Variants in PDE10A observed in about 807,000 individuals in gnomAD.
The protein encoded by PDE10A is cAMP and cAMP-inhibited cGMP 3',5'-cyclic phosphodiesterase 10A.
PDE10A carries 39 observed loss-of-function variants against 97.7 expected under a neutral mutation model. That is an observed-to-expected ratio of 0.40 (90% CI 0.31 to 0.52). The LOEUF (loss-of-function observed/expected upper bound fraction) is 0.52, where lower values mean the gene tolerates loss of function less well. Among genes scored for constraint, PDE10A ranks in the 20% least tolerant of loss-of-function variants. PDE10A has a pLI of 0.56. For missense variants in PDE10A, 731 were observed against 1,047.8 expected, an observed-to-expected ratio of 0.70 and a Z score of 4.17; for synonymous variants, 371 against 376.8, an observed-to-expected ratio of 0.98 and a Z score of 0.18.
chr6:165,829,537 C>T (rs563739937), intron 1 of PDE10A, among the ~76,000 whole-genome samples: 6 of 152,328 alleles, frequency 3.9e-5, no homozygotes, highest in Admixed American at 6.5e-5. Context: ...GAGCATGCTT[C>T]GCCATCAGGA....
At chr6:165,501,779 T>C (rs1780905567) in intron 2 of PDE10A, among the ~76,000 whole-genome samples, 2 of 152,182 alleles carry the variant, frequency 1.3e-5, no homozygotes, top group African/African-American at 4.8e-5. Flanking sequence ...TCAACGGCCT[T>C]CTGTCGAACT....
intron 1 of PDE10A, among the ~76,000 whole-genome samples, chr6:165,889,498 T>C (rs1199605274): frequency 6.6e-6 from 1 of 152,178 alleles, no homozygotes; most frequent in African/African-American, 2.4e-5. Flanking sequence ...TCTCCAGGCT[T>C]ACATCTGCAC....
intron 1 of PDE10A, among the ~76,000 whole-genome samples, chr6:165,772,063 A>G (rs1254559177): frequency 6.6e-6 from 1 of 152,186 alleles, no homozygotes; most frequent in African/African-American, 2.4e-5. Context: ...TCTTTAAAAG[A>G]TTCACCTTAA....
chr6:165,585,238 G>T (rs1785838520), intron 1 of PDE10A, among the ~76,000 whole-genome samples: 1 of 152,130 alleles, frequency 6.6e-6, no homozygotes, highest in Non-Finnish European at 1.5e-5. Flanking sequence ...ATGACTTTAT[G>T]GGTGTCTTTA....
At chr6:165,563,398 T>C (rs534551751) in intron 1 of PDE10A, among the ~76,000 whole-genome samples, 18 of 152,246 alleles carry the variant, frequency 1.2e-4, no homozygotes, top group African/African-American at 4.1e-4. Flanking sequence ...CAAGAAAGTA[T>C]TGATGTTTAG....
intron 1 of PDE10A, among the ~76,000 whole-genome samples, chr6:165,796,250 C>T (rs1778829392): frequency 2.0e-5 from 3 of 151,920 alleles, no homozygotes; most frequent in Admixed American, 2.0e-4. Context: ...CGCCCGCCAC[C>T]ACGCCCAGCT....
chr6:165,704,221 A>C (rs1481881129), intron 1 of PDE10A, among the ~76,000 whole-genome samples: 1 of 152,182 alleles, frequency 6.6e-6, no homozygotes, highest in Non-Finnish European at 1.5e-5. Flanking sequence ...CCAGATGATC[A>C]GGCTCACACA....
At chr6:165,456,316 A>T (rs575504261) in intron 3 of PDE10A, among the ~76,000 whole-genome samples, 24 of 152,338 alleles carry the variant, frequency 1.6e-4, no homozygotes, top group Non-Finnish European at 2.8e-4. Flanking sequence ...ATCACTAGAT[A>T]TTTCTTTTAA....
chr6:165,820,235 G>A (rs1779531806), intron 1 of PDE10A, among the ~76,000 whole-genome samples: 1 of 152,184 alleles, frequency 6.6e-6, no homozygotes, highest in African/African-American at 2.4e-5. Context: ...CACTGATGTA[G>A]AACAAAGGGT....
chr6:165,356,285 T>C (rs1415882239), intron 18 of PDE10A, among the ~76,000 whole-genome samples: 1 of 152,188 alleles, frequency 6.6e-6, no homozygotes, highest in Non-Finnish European at 1.5e-5. Flanking sequence ...TTGGCCATTC[T>C]AGTGGGTGCA....
At chr6:165,710,718 T>G (rs1366944658) in intron 1 of PDE10A, among the ~76,000 whole-genome samples, 1 of 152,148 alleles carries the variant, frequency 6.6e-6, no homozygotes, top group Non-Finnish European at 1.5e-5. Flanking sequence ...TGCTTGTGAG[T>G]AAGGGTGTTA....
chr6:165,879,166 C>T (rs1255614067), intron 1 of PDE10A, among the ~76,000 whole-genome samples: 1 of 152,168 alleles, frequency 6.6e-6, no homozygotes, highest in African/African-American at 2.4e-5. Flanking sequence ...CAGAAAATTG[C>T]ATTGTTTATA....
chr6:165,805,880 A>G (rs1458618330), intron 1 of PDE10A, among the ~76,000 whole-genome samples: 2 of 151,244 alleles, frequency 1.3e-5, no homozygotes, highest in East Asian at 2.0e-4. Context: ...AACCCCACAG[A>G]GTGCACACGA....
At chr6:165,836,611 G>A (rs189056910) in intron 1 of PDE10A, among the ~76,000 whole-genome samples, 28 of 152,282 alleles carry the variant, frequency 1.8e-4, no homozygotes, top group Admixed American at 2.6e-4. Flanking sequence ...ATCCTGCCTC[G>A]GGGCAGTGAC....
intron 1 of PDE10A, among the ~76,000 whole-genome samples, chr6:165,951,801 C>G (rs944096344): frequency 2.0e-5 from 3 of 152,220 alleles, no homozygotes; most frequent in East Asian, 1.9e-4. Context: ...AAGTGGTGAC[C>G]TGGCTCTTTT....
chr6:165,627,174 T>C (rs956950208), intron 1 of PDE10A, among the ~76,000 whole-genome samples: 1 of 152,244 alleles, frequency 6.6e-6, no homozygotes, highest in Non-Finnish European at 1.5e-5. Flanking sequence ...GGATGCTTTA[T>C]TGCTTTTATA....
At chr6:165,563,292 A>G (rs1784616705) in intron 1 of PDE10A, among the ~76,000 whole-genome samples, 1 of 151,936 alleles carries the variant, frequency 6.6e-6, no homozygotes, top group Admixed American at 6.6e-5. Flanking sequence ...GGAAGGATTT[A>G]GTAATGAGAT....
In PDE10A at chr6:165,946,061, G is replaced by A. The variant is rs1783755855; in HGVS notation, c.-615+41468C>T. Among the ~76,000 whole-genome samples, 4 of 109,658 alleles carry A rather than the reference G, an allele frequency of 3.6e-5. No homozygotes were observed. In the South Asian group the frequency reaches 1.1e-3, roughly 30 times the overall value. The allele number at this position is 109,658 out of a possible 152,430, so 71.9% of individuals were successfully genotyped here. A position where few individuals can be genotyped will look rare whatever the true frequency, so the allele number is the denominator to read the frequency against. On this transcript the variant is annotated intron_variant, in intron 1 of 19. Transcript: ENST00000366882. Reference sequence around the variant, plus strand: ...TGCTTTTGTTGCCTGTGCTTTTGGGGTCATAACCAAAAAAAAATCATTGCC... The same window carrying A: ...TGCTTTTGTTGCCTGTGCTTTTGGGATCATAACCAAAAAAAAATCATTGCC...
intron 2 of PDE10A, among the ~76,000 whole-genome samples, chr6:165,502,724 T>C (rs914772984): frequency 2.0e-5 from 3 of 152,182 alleles, no homozygotes; most frequent in Non-Finnish European, 2.9e-5. Flanking sequence ...ACAAACATCA[T>C]GCTAGGTGAG....
Sources: gnomAD v4.1 joint callset for allele counts (sites outside exome capture counted in the v4.1 genomes callset) on GRCh38, gnomAD v4.1.1 for gene constraint, MANE v1.5 for transcripts, NCBI Gene and HGNC (gene_info 2026-07-23, HGNC 2026-07-21) for gene names.